Variants in ABTB2 observed in about 807,000 individuals in gnomAD.
ABTB2 encodes the protein ankyrin repeat and BTB domain containing 2, also known as ankyrin repeat and BTB/POZ domain-containing protein 2.
Under a neutral mutation model 104.1 loss-of-function variants are expected in ABTB2, and 56 were observed. That is an observed-to-expected ratio of 0.54 (90% confidence interval 0.43 to 0.67). The LOEUF is 0.67. ABTB2 is among the 30% of genes least tolerant of loss of function. The pLI is 0.00. For missense variants in ABTB2, 1,279 were observed against 1,407.7 expected (o/e 0.91, Z 1.46); for synonymous variants, 606 against 608.2 (o/e 1.00, Z 0.05).
chr11:34,178,741 T>A (rs571173329), intron 3 of ABTB2, among the ~76,000 whole-genome samples: 2 of 152,158 alleles, frequency 1.3e-5, no homozygotes, highest in Non-Finnish European at 2.9e-5. Context: ...CTCAGAATAG[T>A]GGTTCTCAAT....
chr11:34,192,300 AC>A (rs796399970), intron 3 of ABTB2, among the ~76,000 whole-genome samples: 32 of 151,430 alleles, frequency 2.1e-4, no homozygotes, highest in African/African-American at 7.8e-4. Context: ...TTCCAAGAAA[AC>A]CCCCCAAATA....
chr11:34,256,800 G>A (rs913986479), intron 1 of ABTB2, among the ~76,000 whole-genome samples: 5 of 152,318 alleles, frequency 3.3e-5, no homozygotes, highest in East Asian at 1.9e-4. Flanking sequence ...CGGAGGGGAC[G>A]GACGGAGAGC....
chr11:34,357,016 C>A lies in ABTB2; in HGVS notation c.568G>T (p.Gly190Cys). Residue 190 changes from glycine to cysteine, a missense_variant, in exon 1 of 17, where the codon GGC becomes TGC. Coordinates refer to ENST00000435224, the MANE Select transcript of ABTB2 (RefSeq NM_145804.3). ...GACTTGCCCCGGCGCAGCCCGTCGC[C>A]GGCGCTCATGCTGTACAGGGACAGC... is the stretch of plus-strand genomic sequence containing the variant. ...KALSLYSMSA[G>C]DGLRRGKSAR... is the part of the protein sequence containing the mutation. The A allele has an allele frequency of 6.4e-7, 1 of 1,563,862 alleles. No homozygotes were observed.
intron 1 of ABTB2, among the ~76,000 whole-genome samples, chr11:34,280,061 G>A (rs972005714): frequency 1.6e-4 from 24 of 152,030 alleles, no homozygotes; most frequent in African/African-American, 5.1e-4. Flanking sequence ...GTGAGCCACC[G>A]TGCCCAGTCT....
chr11:34,197,610 A>G, intron 2 of ABTB2, 72 bp from the exon 3 acceptor site: 1 of 1,110,416 alleles, frequency 9.0e-7, no homozygotes. Context: ...CACAGCCTGC[A>G]TTCTTCCAAG....
intron 1 of ABTB2, among the ~76,000 whole-genome samples, chr11:34,331,547 C>G (rs1000679942): frequency 6.6e-6 from 1 of 152,176 alleles, no homozygotes; most frequent in Non-Finnish European, 1.5e-5. Context: ...CATGCTGGCC[C>G]CAAACACCAT....
At chr11:34,319,919 C>G (rs190637175) in intron 1 of ABTB2, among the ~76,000 whole-genome samples, 1 of 152,062 alleles carries the variant, frequency 6.6e-6, no homozygotes, top group Non-Finnish European at 1.5e-5. Context: ...CCACCCACCT[C>G]GGCCTCCCAA....
At chr11:34,222,318 T>C (rs1853634760) in intron 1 of ABTB2, among the ~76,000 whole-genome samples, 1 of 152,196 alleles carries the variant, frequency 6.6e-6, no homozygotes, top group Admixed American at 6.5e-5. Flanking sequence ...AAGGTCTGTG[T>C]GGATATTAAT....
At position 34,173,291 on chromosome 11, in the gene ABTB2, G is replaced by T; in HGVS notation, c.1261C>A (p.Pro421Thr). 1.9e-6 allele frequency: 3 copies of T among 1,599,080 alleles called. No homozygotes were observed. Among genetic ancestry groups the T allele is most frequent in the Non-Finnish European group, 2.6e-6 (3 of 1,172,928 alleles). ...ACGCGCATCCACTCCATGAGGGGCGGCAGCAGCATGAAGGGCCTGTGGGGC... is the reference window on the plus strand; with the variant it reads ...ACGCGCATCCACTCCATGAGGGGCGTCAGCAGCATGAAGGGCCTGTGGGGC... ...LNNERPFMLL[P>T]PLMEWMRVAI... The change falls in exon 4 of 17, where the codon CCG (proline) becomes ACG (threonine). Residue 421 changes from proline to threonine, a missense_variant. Pro to Thr is a conservative substitution (Grantham distance 38, BLOSUM62 -1). Coordinates refer to ENST00000435224, the MANE Select transcript of ABTB2 (RefSeq NM_145804.3).
intron 1 of ABTB2, among the ~76,000 whole-genome samples, chr11:34,205,176 G>A (rs1853394635): frequency 6.6e-6 from 1 of 152,198 alleles, no homozygotes; most frequent in African/African-American, 2.4e-5. Flanking sequence ...GGATGGCTGA[G>A]TCAGATGTAA....
chr11:34,235,094 C>A (rs1042236477), intron 1 of ABTB2, among the ~76,000 whole-genome samples: 1 of 152,130 alleles, frequency 6.6e-6, no homozygotes, highest in African/African-American at 2.4e-5. Flanking sequence ...ATCTCCTGAC[C>A]TTGTGATCCG....
chr11:34,248,203 C>T (rs1397899200), intron 1 of ABTB2, among the ~76,000 whole-genome samples: 1 of 151,658 alleles, frequency 6.6e-6, no homozygotes, highest in African/African-American at 2.4e-5. Flanking sequence ...AAGTGATCCT[C>T]CCACCTTAGC....
intron 1 of ABTB2, among the ~76,000 whole-genome samples, chr11:34,321,245 T>C (rs1381915733): frequency 1.3e-5 from 2 of 152,188 alleles, no homozygotes; most frequent in Non-Finnish European, 2.9e-5. Flanking sequence ...CAAGGGAGAA[T>C]GAACAGCTGC....
intron 1 of ABTB2, among the ~76,000 whole-genome samples, chr11:34,258,634 G>A (rs1247635001): frequency 3.8e-5 from 5 of 133,226 alleles, no homozygotes; most frequent in African/African-American, 1.1e-4. Context: ...TTTTTGAGAC[G>A]GAGTCTTGCT....
chr11:34,168,043 C>A, intron 5 of ABTB2, 51 bp from the exon 6 acceptor site: 1 of 1,563,738 alleles, frequency 6.4e-7, no homozygotes, highest in Non-Finnish European at 8.7e-7. Flanking sequence ...GAACACAACA[C>A]CATGTGCCCA....
chr11:34,230,821 C>G (rs1853758748), intron 1 of ABTB2, among the ~76,000 whole-genome samples: 1 of 152,168 alleles, frequency 6.6e-6, no homozygotes, highest in Non-Finnish European at 1.5e-5. Flanking sequence ...AAAGGAATGT[C>G]CCAGACACTC....
intron 14 of ABTB2, among the ~76,000 whole-genome samples, chr11:34,156,599 C>G (rs1852630695): frequency 6.6e-6 from 1 of 151,958 alleles, no homozygotes; most frequent in Non-Finnish European, 1.5e-5. Flanking sequence ...TCTCGGCTCA[C>G]CGCAACCTCC....
intron 1 of ABTB2, among the ~76,000 whole-genome samples, chr11:34,235,012 G>C (rs1490296470): frequency 3.3e-5 from 5 of 152,064 alleles, no homozygotes; most frequent in Non-Finnish European, 7.4e-5. Context: ...CGCCCGCCAC[G>C]GCGCCTGGCT....
chr11:34,283,711 C>T (rs1198843134), intron 1 of ABTB2, among the ~76,000 whole-genome samples: 2 of 152,078 alleles, frequency 1.3e-5, no homozygotes, highest in African/African-American at 4.8e-5. Flanking sequence ...ACAAGGTGAC[C>T]GTTGAGGATA....
Sources: allele counts gnomAD v4.1 joint callset (sites outside exome capture counted in the v4.1 genomes callset), GRCh38; gene constraint gnomAD v4.1.1; transcripts MANE v1.5; gene names NCBI Gene and HGNC (gene_info 2026-07-23, HGNC 2026-07-21).